Variants in NIPAL2 observed in about 807,000 individuals in gnomAD.
The protein encoded by NIPAL2 is NIPA like domain containing 2.
A neutral mutation model predicts 48.9 loss-of-function variants in NIPAL2; 43 were observed. The ratio of observed to expected loss-of-function variants is 0.88; its 90% confidence interval spans 0.69 to 1.13. The LOEUF (loss-of-function observed/expected upper bound fraction) is 1.13, where lower values mean the gene tolerates loss of function less well. Ranked by LOEUF, NIPAL2 falls within the 50% of genes most tolerant of loss-of-function variation. The probability of loss-of-function intolerance (pLI) is 0.00; values close to 1 mark genes in which losing one functional copy is unlikely to be tolerated. For synonymous variants in NIPAL2, 167 were observed against 174.6 expected (o/e 0.96, Z 0.34); for missense variants, 446 against 461.4 (o/e 0.97, Z 0.31).
chr8:98,263,415 T>A (rs1388752805), intron 1 of NIPAL2, among the ~76,000 whole-genome samples: 5 of 150,180 alleles, frequency 3.3e-5, no homozygotes, highest in East Asian at 2.0e-4. Flanking sequence ...GAGAAGAATC[T>A]AATAGATGCA....
At chr8:98,206,788 A>G (rs900441889) in intron 6 of NIPAL2, among the ~76,000 whole-genome samples, 3 of 151,940 alleles carry the variant, frequency 2.0e-5, no homozygotes, top group Non-Finnish European at 4.4e-5. Flanking sequence ...AAAAAAAAAA[A>G]AAAAGGAAAA....
chr8:98,225,283 C>T (rs1350624388), intron 4 of NIPAL2, among the ~76,000 whole-genome samples: 1 of 152,148 alleles, frequency 6.6e-6, no homozygotes, highest in East Asian at 1.9e-4. Flanking sequence ...TTACTGTCCC[C>T]TTTATGAGTT....
Position 98,238,229 on chromosome 8 carries a change from GC to G in NIPAL2, c.377-2016del, listed in dbSNP as rs1479400705. Among the ~76,000 whole-genome samples, 211 of 152,270 alleles carry G rather than the reference GC, an allele frequency of 1.4e-3. 4 individuals are homozygous for G. The highest frequency in any genetic ancestry group is 2.1e-4 in the Non-Finnish European group (14 of 68,026). On this transcript the variant is annotated intron_variant, in intron 3 of 10. Transcript: ENST00000430223. ...CAAAAAGATATGCAACATAATATATGCTGTAAATTTTTAACAAAAACTATTT... is the reference window on the plus strand; with the variant it reads ...CAAAAAGATATGCAACATAATATATGTGTAAATTTTTAACAAAAACTATTT...
chr8:98,277,929 T>C (rs1167010419), intron 1 of NIPAL2, among the ~76,000 whole-genome samples: 10 of 152,144 alleles, frequency 6.6e-5, no homozygotes, highest in Admixed American at 6.5e-4. Flanking sequence ...TTGCATCTTA[T>C]TTTTTTTCTT....
chr8:98,244,495 TGTG>T (rs1375190630), intron 3 of NIPAL2, among the ~76,000 whole-genome samples: 2 of 89,338 alleles, frequency 2.2e-5, no homozygotes, highest in East Asian at 3.7e-4. Flanking sequence ...GGGGGTGGGT[TGTG>T]GTGATGAGCG....
chr8:98,235,089 G>A (rs1468709844), intron 4 of NIPAL2, among the ~76,000 whole-genome samples: 1 of 152,206 alleles, frequency 6.6e-6, no homozygotes, highest in Admixed American at 6.5e-5. Flanking sequence ...TACGCTCAAG[G>A]GAAACATGAT....
intron 10 of NIPAL2, among the ~76,000 whole-genome samples, chr8:98,194,446 T>C (rs1408109561): frequency 6.6e-6 from 1 of 152,106 alleles, no homozygotes; most frequent in African/African-American, 2.4e-5. Context: ...CTCTTTTCTC[T>C]ACCCTTTTCC....
Position 98,236,259 on chromosome 8 carries a change from T to C in NIPAL2, c.377-45A>G, listed in dbSNP as rs773157230. 9.7e-6 allele frequency: 13 copies of C among 1,346,012 alleles called. No homozygotes were observed. The South Asian group carries it at 1.5e-4, about 15-fold the overall frequency. 83.4% of individuals were successfully genotyped at this position (1,346,012 alleles called of 1,614,324 possible). A position where few individuals can be genotyped will look rare whatever the true frequency, so the allele number is the denominator to read the frequency against. ...TAGTGGTAGTTCCAATATAAAAGTG[T>C]CTATTACGCAATGCCATTTGAAAGA... On this transcript the variant is annotated intron_variant, in intron 3 of 10. Transcript: ENST00000430223.
intron 1 of NIPAL2, among the ~76,000 whole-genome samples, chr8:98,263,292 A>G (rs1814479395): frequency 6.7e-6 from 1 of 149,266 alleles, no homozygotes; most frequent in Non-Finnish European, 1.5e-5. Flanking sequence ...GCAGAACTGA[A>G]GGAAATAGAG....
chr8:98,202,405 A>G (rs895877885), intron 8 of NIPAL2, among the ~76,000 whole-genome samples: 2 of 152,150 alleles, frequency 1.3e-5, no homozygotes, highest in African/African-American at 4.8e-5. Context: ...GTCCCCTCCA[A>G]ATCATATGTT....
intron 3 of NIPAL2, among the ~76,000 whole-genome samples, chr8:98,245,289 A>G (rs16896848): frequency 2.6e-5 from 4 of 152,222 alleles, no homozygotes; most frequent in Admixed American, 2.0e-4. Flanking sequence ...CATAATTATC[A>G]TTCCCCGTTA....
intron 9 of NIPAL2, among the ~76,000 whole-genome samples, chr8:98,195,484 C>G (rs1258977686): frequency 6.6e-6 from 1 of 152,164 alleles, no homozygotes; most frequent in African/African-American, 2.4e-5. Context: ...AGAGCTCAAG[C>G]TGCACACTCT....
chr8:98,219,825 G>T (rs184959718), intron 5 of NIPAL2, among the ~76,000 whole-genome samples: 13 of 152,056 alleles, frequency 8.5e-5, no homozygotes, highest in Non-Finnish European at 1.3e-4. Context: ...GCCACATAAC[G>T]CAGTGCTGTT....
At chr8:98,285,268 T>C (rs563025194) in intron 1 of NIPAL2, among the ~76,000 whole-genome samples, 35 of 152,298 alleles carry the variant, frequency 2.3e-4, no homozygotes, top group Admixed American at 1.8e-3. Context: ...TGAGCCCACC[T>C]GTGGGGACAT....
rs75388321 is a variant in NIPAL2 at position 98,223,688 on chromosome 8, C to T, written c.437-1088G>A. On this transcript the variant is annotated intron_variant, in intron 4 of 10. Coordinates refer to ENST00000430223, the MANE Select transcript of NIPAL2 (RefSeq NM_001321635.2). ...TGGAAGCAAATAGCATTTGATTTTT[C>T]GCAAAAGCTAGACAACAGCAATTCA... 9.2e-5 allele frequency among the ~76,000 whole-genome samples: 14 copies of T among 152,270 alleles called. No individual in the cohort carries two copies. The East Asian group carries it at 2.3e-3, about 25-fold the overall frequency.
chr8:98,192,939 G>T lies in NIPAL2; in HGVS notation c.*39C>A. On this transcript the variant is annotated 3_prime_UTR_variant, in exon 11 of 11. Coordinates refer to ENST00000430223, the MANE Select transcript of NIPAL2 (RefSeq NM_001321635.2). ...AACATGTGCAATTTTTTAAAAAGGT[G>T]GTATCGAATAACAGGCCAACAGCCA... The T allele has an allele frequency of 8.0e-7, 1 of 1,248,372 alleles. No individual in the cohort carries two copies. Among genetic ancestry groups the T allele is most frequent in the Non-Finnish European group, 1.2e-6 (1 of 849,790 alleles). The allele number at this position is 1,248,372 out of a possible 1,614,324, so 77.3% of individuals were successfully genotyped here.
intron 8 of NIPAL2, among the ~76,000 whole-genome samples, chr8:98,201,837 G>A (rs1261367103): frequency 1.3e-5 from 2 of 151,996 alleles, no homozygotes; most frequent in Non-Finnish European, 2.9e-5. Context: ...AACAGAAAAT[G>A]CATTAATTAC....
intron 3 of NIPAL2, among the ~76,000 whole-genome samples, chr8:98,245,807 T>C (rs1324973265): frequency 6.6e-6 from 1 of 152,240 alleles, no homozygotes; most frequent in East Asian, 1.9e-4. Context: ...CTGCTGAGCG[T>C]ATATGAGCAG....
chr8:98,220,746 C>T (rs370675533), intron 5 of NIPAL2, among the ~76,000 whole-genome samples: 2 of 152,016 alleles, frequency 1.3e-5, no homozygotes, highest in South Asian at 2.1e-4. Context: ...TTTACCAAAC[C>T]GGTTCTTGGT....
Sources: gnomAD v4.1 joint callset for allele counts (sites outside exome capture counted in the v4.1 genomes callset) on GRCh38, gnomAD v4.1.1 for gene constraint, MANE v1.5 for transcripts, NCBI Gene and HGNC (gene_info 2026-07-23, HGNC 2026-07-21) for gene names.